Variants in KLB observed in about 807,000 individuals in gnomAD.
The protein encoded by KLB is klotho beta.
Under a neutral mutation model 88.4 loss-of-function variants are expected in KLB, and 44 were observed. That is an observed-to-expected ratio of 0.50 (90% CI 0.39 to 0.64). KLB has a LOEUF of 0.64. Ranked by LOEUF, KLB falls within the 30% of genes least tolerant of loss-of-function variation. KLB has a pLI of 0.00. For missense variants in KLB, 1,137 were observed against 1,304.8 expected, an observed-to-expected ratio of 0.87 and a Z score of 1.98; for synonymous variants, 548 against 513.4, an observed-to-expected ratio of 1.07 and a Z score of -0.91.
rs202127489 is a variant in KLB, at chr4:39,434,210, G to C, written c.826G>C (p.Ala276Pro). The change falls in exon 2 of 5, where the codon GCT (alanine) becomes CCT (proline). Residue 276 changes from alanine (A) to proline (P), a missense_variant and splice_region_variant. Physicochemically the swap from Ala to Pro is conservative, Grantham distance 27 (BLOSUM62 -1). Transcript: ENST00000257408. ...GATCAATAATATTTTCTTCTTTTAG[G>C]CTCACTCGAAAGTTTGGCATAACTA... is the stretch of plus-strand genomic sequence containing the variant. ...VYTVGHNLIK[A>P]HSKVWHNYNT... 1 of 1,598,854 alleles carries C rather than the reference G, an allele frequency of 6.3e-7. No homozygotes were observed. Among genetic ancestry groups the C allele is most frequent in the African/African-American group, 1.3e-5 (1 of 74,648 alleles).
At chr4:39,431,893 T>C (rs747148456) in intron 1 of KLB, among the ~76,000 whole-genome samples, 1 of 152,160 alleles carries the variant, frequency 6.6e-6, no homozygotes, top group African/African-American at 2.4e-5. Context: ...TATTCTGATA[T>C]AAAATATCTC....
intron 1 of KLB, among the ~76,000 whole-genome samples, chr4:39,415,395 G>A (rs1268568994): frequency 1.3e-5 from 2 of 152,078 alleles, no homozygotes; most frequent in African/African-American, 2.4e-5. Flanking sequence ...TTGGGAGGTC[G>A]ACACAGGAGG....
chr4:39,414,482 C>T lies in KLB; in HGVS notation c.825+6708C>T, dbSNP rs78773118. Among the ~76,000 whole-genome samples the T allele has an allele frequency of 5.3e-3, 814 of 152,156 alleles. 7 individuals are homozygous for T. The highest frequency in any genetic ancestry group is 0.019 in the African/African-American group (779 of 41,504). ...CCCAAACCATTTTTCTTATATTAAG[C>T]ATTAGTTATTTCTTAACCATTAATA... On this transcript the variant is annotated intron_variant, in intron 1 of 4. Coordinates refer to ENST00000257408, the MANE Select transcript of KLB (RefSeq NM_175737.4).
At chr4:39,441,087 C>T (rs1188044458) in intron 3 of KLB, among the ~76,000 whole-genome samples, 1 of 152,092 alleles carries the variant, frequency 6.6e-6, no homozygotes, top group Non-Finnish European at 1.5e-5. Flanking sequence ...AACTCTTGGC[C>T]TCAAGCAATC....
rs747688609 is a variant in KLB at position 39,421,997 on chromosome 4, C to T, written c.826-12213C>T. ...CTGACCTCAAATGATCCACCCCCTT[C>T]GGCCTCCCAAAGTGTTGGAATTACA... On this transcript the variant is annotated intron_variant, in intron 1 of 4. Transcript: ENST00000257408. 3.9e-5 allele frequency among the ~76,000 whole-genome samples: 6 copies of T among 152,240 alleles called. No homozygotes were observed. In the East Asian group the frequency reaches 5.8e-4, roughly 15 times the overall value.
chr4:39,448,247 CAA>C (rs569219099), intron 4 of KLB, 52 bp from the exon 5 acceptor site: 17 of 1,345,248 alleles, frequency 1.3e-5, no homozygotes, highest in South Asian at 7.6e-5. Context: ...AATTCTTCCT[CAA>C]AGATACTTCA....
chr4:39,414,590 G>A (rs1039842261), intron 1 of KLB, among the ~76,000 whole-genome samples: 1 of 151,390 alleles, frequency 6.6e-6, no homozygotes, highest in African/African-American at 2.4e-5. Flanking sequence ...GCAAAATTCG[G>A]CCAGGTGTGG....
Position 39,415,713 on chromosome 4 carries a change from A to G in KLB, c.825+7939A>G, listed in dbSNP as rs936431683. On this transcript the variant is annotated intron_variant, in intron 1 of 4. Coordinates refer to ENST00000257408, the MANE Select transcript of KLB (RefSeq NM_175737.4). ...ACAATAGTCAATAAAGTATATTTAC[A>G]TAAAATAAAGCATATGTCAACGCTT... 5.3e-5 allele frequency among the ~76,000 whole-genome samples: 8 copies of G among 152,210 alleles called. No homozygotes were observed. In the East Asian group the frequency reaches 1.5e-3, roughly 29 times the overall value.
In KLB at chr4:39,434,718, A is replaced by C; in HGVS notation, c.1334A>C (p.Gln445Pro). 1 of 1,610,214 alleles carries C rather than the reference A, an allele frequency of 6.2e-7. No homozygotes were observed. The highest frequency in any genetic ancestry group is 8.5e-7 in the Non-Finnish European group (1 of 1,178,390). Reference sequence around the variant, plus strand: ...AAGAATTTCCTCAGCCAGGTGCTTCAAGGTTGGTTGTACACTTGCTTAATT... The same window carrying C: ...AAGAATTTCCTCAGCCAGGTGCTTCCAGGTTGGTTGTACACTTGCTTAATT... ...MMKNFLSQVL[Q>P]AIRLDEIRVF... The change falls in exon 2 of 5, where the codon CAA becomes CCA. Residue 445 changes from glutamine (Q) to proline (P), a missense_variant and splice_region_variant. By Grantham distance (76) the Gln-to-Pro change is moderately conservative (BLOSUM62 -1). Around this residue, in one of 4 missense-constraint regions of KLB, gnomAD observed 597 missense variants for 765.2 expected, o/e 0.78. Transcript: ENST00000257408.
chr4:39,408,078 T>C (rs2109815695), intron 1 of KLB, among the ~76,000 whole-genome samples: 1 of 152,364 alleles, frequency 6.6e-6, no homozygotes, highest in Middle Eastern at 3.4e-3. Flanking sequence ...CAGTGCTTCA[T>C]AAATTTAATT....
At chr4:39,425,691 C>T (rs1272475759) in intron 1 of KLB, among the ~76,000 whole-genome samples, 1 of 152,164 alleles carries the variant, frequency 6.6e-6, no homozygotes, top group African/African-American at 2.4e-5. Flanking sequence ...ATCCATCCTC[C>T]TTGGCCTCCC....
intron 2 of KLB, 51 bp downstream of exon 2, chr4:39,434,771 T>C (rs945289073): frequency 7.2e-7 from 1 of 1,396,030 alleles, no homozygotes; most frequent in Non-Finnish European, 9.8e-7. Context: ...ACTTACAGGA[T>C]ATTTAAAGTC....
At chr4:39,438,126 G>C (rs1365291995) in intron 3 of KLB, 131 bp downstream of exon 3, 2 of 847,578 alleles carry the variant, frequency 2.4e-6, no homozygotes, top group Admixed American at 5.7e-5. Context: ...TTATGAAGGA[G>C]AGCTAGGGAA....
chr4:39,423,140 G>A (rs780173323), intron 1 of KLB, among the ~76,000 whole-genome samples: 17 of 151,876 alleles, frequency 1.1e-4, no homozygotes, highest in Non-Finnish European at 1.6e-4. Flanking sequence ...GGTGGTCCCT[G>A]AGGGATTCAC....
intron 3 of KLB, among the ~76,000 whole-genome samples, chr4:39,439,812 C>T (rs1743558194): frequency 6.6e-6 from 1 of 152,046 alleles, no homozygotes; most frequent in South Asian, 2.1e-4. Flanking sequence ...GGACTACAGG[C>T]GTGTGCCACC....
At chr4:39,428,585 TA>T (rs1347394301) in intron 1 of KLB, among the ~76,000 whole-genome samples, 1 of 152,200 alleles carries the variant, frequency 6.6e-6, no homozygotes, top group Admixed American at 6.5e-5. Context: ...CGAAGAAAAA[TA>T]AATTTTTATC....
chr4:39,424,841 C>G (rs1743168412), intron 1 of KLB, among the ~76,000 whole-genome samples: 1 of 151,974 alleles, frequency 6.6e-6, no homozygotes, highest in Non-Finnish European at 1.5e-5. Context: ...GTTGGCCAGG[C>G]TGTTCTCGAA....
At chr4:39,407,882 A>C in intron 1 of KLB, 108 bp downstream of exon 1, 2 of 634,000 alleles carry the variant, frequency 3.2e-6, no homozygotes, top group Non-Finnish European at 2.6e-6. Context: ...AACTGATTTT[A>C]AGCTAATTCA....
At chr4:39,416,380 A>G (rs970737891) in intron 1 of KLB, among the ~76,000 whole-genome samples, 11 of 152,232 alleles carry the variant, frequency 7.2e-5, no homozygotes, top group Non-Finnish European at 1.6e-4. Context: ...TTTAAAAATA[A>G]AAGACTTTTT....
Sources: allele counts gnomAD v4.1 joint callset (sites outside exome capture counted in the v4.1 genomes callset), GRCh38; gene constraint gnomAD v4.1.1; regional missense constraint gnomAD v4.1.1; transcripts MANE v1.5; gene names NCBI Gene and HGNC (gene_info 2026-07-23, HGNC 2026-07-21).